EFHC2: variants seen among roughly 807,000 people sequenced by gnomAD.
EFHC2 encodes the protein EF-hand domain containing 2.
A neutral mutation model predicts 52.7 loss-of-function variants in EFHC2; 18 were observed. The observed-to-expected ratio is 0.34, with a 90% CI of 0.24 to 0.51. EFHC2 has a LOEUF of 0.51. Ranked by LOEUF, EFHC2 falls within the 20% of genes least tolerant of loss-of-function variation. EFHC2 has a pLI of 0.97. For missense variants in EFHC2, 513 were observed against 562.5 expected (o/e 0.91, Z 0.89); for synonymous variants, 203 against 204.1 (o/e 0.99, Z 0.04).
At chrX:44,204,375 C>T (rs987908856) in intron 11 of EFHC2, among the ~76,000 whole-genome samples, 3 of 111,175 alleles carry the variant, frequency 2.7e-5, no homozygotes, top group African/African-American at 9.8e-5. Context: ...TGGATCCTAA[C>T]CAGATTGAAA....
intron 3 of EFHC2, among the ~76,000 whole-genome samples, chrX:44,262,484 G>C (rs2037546532): frequency 2.4e-5 from 2 of 83,672 alleles, no homozygotes; most frequent in South Asian, 1.4e-3. Flanking sequence ...CTGTACTCTA[G>C]CTTGGGCAAC....
At chrX:44,258,866 AAAG>A (rs2037514444) in intron 4 of EFHC2, among the ~76,000 whole-genome samples, 2 of 110,118 alleles carry the variant, frequency 1.8e-5, no homozygotes, top group Admixed American at 1.9e-4. Flanking sequence ...AAAAAAAAAA[AAAG>A]AATGGCAATC....
intron 14 of EFHC2, among the ~76,000 whole-genome samples, chrX:44,155,940 T>A (rs2036603144): frequency 1.8e-5 from 2 of 112,564 alleles, no homozygotes; most frequent in Non-Finnish European, 3.7e-5. Flanking sequence ...TAGCTTATAT[T>A]TCTATACATT....
intron 11 of EFHC2, among the ~76,000 whole-genome samples, chrX:44,212,124 C>T (rs770184546): frequency 9.1e-6 from 1 of 110,328 alleles, no homozygotes; most frequent in Non-Finnish European, 1.9e-5. Flanking sequence ...TCTCAGGACA[C>T]AGTAATGCCA....
Position 44,216,045 on chromosome X carries a change from T to TA in EFHC2, c.1751+13603dup, listed in dbSNP as rs771300226. The stretch of plus-strand genomic sequence containing the variant: ...GCCATGACCTTGAGGCACTAAAGGA[T>TA]ATCAAATTGTTCTCCAAATAACCAA... On this transcript the variant is annotated intron_variant, in intron 11 of 14. Transcript: ENST00000420999. Among the ~76,000 whole-genome samples the TA allele has an allele frequency of 1.2e-4, 14 of 112,614 alleles. No individual in the cohort carries two copies. The East Asian group carries it at 3.9e-3, about 31-fold the overall frequency.
At chrX:44,215,480 C>A (rs1399969158) in intron 11 of EFHC2, among the ~76,000 whole-genome samples, 1 of 102,870 alleles carries the variant, frequency 9.7e-6, no homozygotes, top group Non-Finnish European at 2.0e-5. Context: ...ACCATATGAT[C>A]AAGACATTCA....
intron 11 of EFHC2, among the ~76,000 whole-genome samples, chrX:44,215,435 A>C (rs1358869244): frequency 9.1e-6 from 1 of 109,540 alleles, no homozygotes; most frequent in African/African-American, 3.3e-5. Flanking sequence ...AAAACAAAAA[A>C]ATGATAGTTT....
chrX:44,326,717 ATTTTTTTTTTTTTTTT>A (rs773265380), intron 1 of EFHC2, among the ~76,000 whole-genome samples: 1 of 45,046 alleles, frequency 2.2e-5, no homozygotes, highest in East Asian at 8.2e-4. Context: ...ATGGAGTCTG[ATTTTTTTTTTTTTTTT>A]TTTTTTTTTT....
At chrX:44,215,393 A>G (rs2037136510) in intron 11 of EFHC2, among the ~76,000 whole-genome samples, 2 of 110,773 alleles carry the variant, frequency 1.8e-5, no homozygotes, top group Non-Finnish European at 3.8e-5. Context: ...CTAGGGAAAA[A>G]TCTAATGAAA....
At chrX:44,277,258 CAAAA>C (rs753856788) in intron 2 of EFHC2, among the ~76,000 whole-genome samples, 5 of 21,791 alleles carry the variant, frequency 2.3e-4, no homozygotes, top group Non-Finnish European at 1.9e-4. Context: ...GACTCCAGCT[CAAAA>C]AAAAAAAAAA....
At chrX:44,251,433 A>G (rs2037446272) in intron 4 of EFHC2, among the ~76,000 whole-genome samples, 1 of 100,311 alleles carries the variant, frequency 1.0e-5, no homozygotes, top group Non-Finnish European at 2.0e-5. Context: ...GGCTGTCTCT[A>G]CTAAAAATGC....
intron 8 of EFHC2, among the ~76,000 whole-genome samples, chrX:44,239,357 C>T (rs747678647): frequency 1.8e-5 from 2 of 112,102 alleles, no homozygotes; most frequent in Non-Finnish European, 3.8e-5. Flanking sequence ...TCATCCATTC[C>T]TTCTCTTCTT....
At chrX:44,178,169 A>ACACAC (rs3037408) in intron 12 of EFHC2, among the ~76,000 whole-genome samples, 198 bp downstream of exon 12, 1 of 107,381 alleles carries the variant, frequency 9.3e-6, no homozygotes. Context: ...ACACACACAC[A>ACACAC]AGCTCTCCAT....
intron 2 of EFHC2, among the ~76,000 whole-genome samples, chrX:44,287,866 C>T (rs1221715464): frequency 1.8e-5 from 2 of 111,998 alleles, no homozygotes; most frequent in Non-Finnish European, 3.8e-5. Context: ...GTCAACATTT[C>T]GCTTCACTTA....
At chrX:44,289,519 C>T (rs2037776489) in intron 2 of EFHC2, among the ~76,000 whole-genome samples, 1 of 110,638 alleles carries the variant, frequency 9.0e-6, no homozygotes, top group African/African-American at 3.3e-5. Context: ...TCAACTTTGC[C>T]TTTGAGGGTT....
chrX:44,228,844 A>G (rs1350214085), intron 11 of EFHC2, among the ~76,000 whole-genome samples: 3 of 111,816 alleles, frequency 2.7e-5, no homozygotes, highest in Admixed American at 9.5e-5. Flanking sequence ...TTTACTATAT[A>G]GCTTTCAGCC....
At chrX:44,277,765 A>G (rs906998473) in intron 2 of EFHC2, among the ~76,000 whole-genome samples, 1 of 111,425 alleles carries the variant, frequency 9.0e-6, no homozygotes, top group African/African-American at 3.3e-5. Context: ...CTGATCACAA[A>G]GTAATACAAC....
chrX:44,258,432 T>A (rs1304886792), intron 4 of EFHC2, among the ~76,000 whole-genome samples: 4 of 103,840 alleles, frequency 3.9e-5, no homozygotes, highest in African/African-American at 1.4e-4. Context: ...TTAAACAAAT[T>A]TACAAAAAAA....
rs372483706 is a variant in EFHC2, at chrX:44,178,598, A to G, written c.1752-34T>C. On this transcript the variant is annotated intron_variant, in intron 11 of 14. Transcript: ENST00000420999. ...AAAATGGAAAAACATTTATAAACTGATATCTAAGAATACAGTATTTTACAT... is the reference window on the plus strand; with the variant it reads ...AAAATGGAAAAACATTTATAAACTGGTATCTAAGAATACAGTATTTTACAT... 1,603 of 1,035,022 alleles carry G rather than the reference A, an allele frequency of 1.5e-3. 3 individuals carry two copies. Among genetic ancestry groups the G allele is most frequent in the Non-Finnish European group, 2.0e-3 (1,502 of 768,923 alleles). 85.3% of individuals were successfully genotyped at this position (1,035,022 alleles called of 1,213,427 possible). A position where few individuals can be genotyped will look rare whatever the true frequency, so the allele number is the denominator to read the frequency against.
Sources: allele counts gnomAD v4.1 joint callset (sites outside exome capture counted in the v4.1 genomes callset), GRCh38; gene constraint gnomAD v4.1.1; transcripts MANE v1.5; gene names NCBI Gene and HGNC (gene_info 2026-07-23, HGNC 2026-07-21).